The following PABIR3 variants were observed in gnomAD, a reference collection of about 807,000 sequenced individuals.
The protein encoded by PABIR3 is PABIR family member 3.
Under a neutral mutation model 23.1 loss-of-function variants are expected in PABIR3, and 20 were observed. The ratio of observed to expected loss-of-function variants is 0.86; its 90% CI spans 0.61 to 1.26. The LOEUF (loss-of-function observed/expected upper bound fraction) is 1.26, where lower values mean the gene tolerates loss of function less well. Ranked by LOEUF, PABIR3 falls within the 50% of genes most tolerant of loss-of-function variation. PABIR3 has a pLI of 0.00. For synonymous variants in PABIR3, 69 were observed against 68.5 expected (o/e 1.01, Z -0.04); for missense variants, 189 against 195.4 (o/e 0.97, Z 0.20).
chrX:134,860,988 A>G, the PABIR3 span, among the ~76,000 whole-genome samples: 1 of 112,357 alleles, frequency 8.9e-6, no homozygotes, highest in Non-Finnish European at 1.9e-5. Flanking sequence ...TGATAAAAAA[A>G]GGTTTGGGCT....
intron 4 of PABIR3, among the ~76,000 whole-genome samples, chrX:134,838,128 G>C (rs1361434624): frequency 9.0e-6 from 1 of 110,970 alleles, no homozygotes; most frequent in Non-Finnish European, 1.9e-5. Context: ...TTTTTCTTCA[G>C]TTCTTCCTTA....
At position 134,845,598 on chromosome X, in the gene PABIR3, G is replaced by C. The variant is rs774543630; in HGVS notation, c.345+197G>C. ...GACAAGGTCTCACTATGTTGTCCAGGCTGGTCTTGAACTCCTGAGCTCAAT... is the reference window on the plus strand; with the variant it reads ...GACAAGGTCTCACTATGTTGTCCAGCCTGGTCTTGAACTCCTGAGCTCAAT... On this transcript the variant is annotated intron_variant, in intron 6 of 10. Transcript: ENST00000645433. 2.3e-4 allele frequency among the ~76,000 whole-genome samples: 25 copies of C among 111,063 alleles called. 1 individual carries two copies. The highest frequency in any genetic ancestry group is 2.2e-3 in the Admixed American group (23 of 10,378).
At chrX:134,861,206 T>C in the PABIR3 span, among the ~76,000 whole-genome samples, 1 of 102,600 alleles carries the variant, frequency 9.7e-6, no homozygotes, top group Admixed American at 1.1e-4. Flanking sequence ...ACCCAGGAGG[T>C]GAAGGTTGCA....
At chrX:134,846,884 T>G (rs1188206695) in intron 6 of PABIR3, among the ~76,000 whole-genome samples, 1 of 112,163 alleles carries the variant, frequency 8.9e-6, no homozygotes, top group African/African-American at 3.2e-5. Flanking sequence ...TGGCTTGTTT[T>G]AGAAAGAAAA....
At chrX:134,818,761 G>A (rs968819437) in intron 3 of PABIR3, among the ~76,000 whole-genome samples, 2 of 110,572 alleles carry the variant, frequency 1.8e-5, no homozygotes, top group African/African-American at 3.3e-5. Context: ...ACCTTGGTCA[G>A]TATGAAGCAC....
intron 2 of PABIR3, chrX:134,809,747 C>T: frequency 4.2e-6 from 3 of 722,547 alleles, no homozygotes; most frequent in African/African-American, 2.3e-5. Flanking sequence ...AGTGGCAGAG[C>T]CAGTACTAGG....
At chrX:134,796,597 A>G (rs1162527306), upstream of PABIR3, 1 of 73,425 alleles carries the variant, frequency 1.4e-5, no homozygotes, top group Non-Finnish European at 2.6e-5. Context: ...CAGAGGGGGG[A>G]AAGGGAGAGG....
intron 4 of PABIR3, chrX:134,835,099 C>T (rs917753929): frequency 2.7e-5 from 3 of 111,066 alleles, no homozygotes; most frequent in Admixed American, 1.9e-4. Context: ...CTTACTCTGT[C>T]GCCCAGGCTG....
chrX:134,862,246 G>C, the PABIR3 span, among the ~76,000 whole-genome samples: 1 of 104,654 alleles, frequency 9.6e-6, no homozygotes, highest in African/African-American at 3.5e-5. Context: ...TGCCTCCTGG[G>C]TTCAAGCGAT....
chrX:134,828,310 T>G (rs890132189), intron 3 of PABIR3, among the ~76,000 whole-genome samples: 2 of 110,348 alleles, frequency 1.8e-5, no homozygotes, highest in Non-Finnish European at 3.8e-5. Context: ...AGGCTGGTCT[T>G]GAACTCCTGG....
intron 3 of PABIR3, among the ~76,000 whole-genome samples, chrX:134,821,088 G>GTAAATATA (rs2081259524): frequency 1.0e-5 from 1 of 96,854 alleles, no homozygotes; most frequent in Non-Finnish European, 2.0e-5. Flanking sequence ...GTGTGTGTGT[G>GTAAATATA]TATATATATA....
At chrX:134,862,253 C>T in the PABIR3 span, among the ~76,000 whole-genome samples, 5 of 102,149 alleles carry the variant, frequency 4.9e-5, no homozygotes, top group East Asian at 1.5e-3. Flanking sequence ...TGGGTTCAAG[C>T]GATTCTCCTA....
intron 2 of PABIR3, among the ~76,000 whole-genome samples, chrX:134,808,862 C>A (rs914982831): frequency 1.1e-4 from 12 of 111,844 alleles, no homozygotes; most frequent in African/African-American, 3.6e-4. Flanking sequence ...ACCACAGAAG[C>A]TTGATCTCCT....
intron 3 of PABIR3, 51 bp downstream of exon 3, chrX:134,814,900 TC>T: frequency 8.5e-6 from 8 of 945,876 alleles, no homozygotes; most frequent in Non-Finnish European, 1.0e-5. Context: ...TGCTTATTGG[TC>T]TCAACCAATG....
chrX:134,825,008 T>C (rs938299744), intron 3 of PABIR3, among the ~76,000 whole-genome samples: 2 of 111,014 alleles, frequency 1.8e-5, no homozygotes, highest in African/African-American at 6.5e-5. Flanking sequence ...TGCAGGTTCA[T>C]TGGTTGTAAA....
chrX:134,842,174 GT>G (rs1239334571), intron 4 of PABIR3, among the ~76,000 whole-genome samples: 2 of 111,869 alleles, frequency 1.8e-5, no homozygotes, highest in Non-Finnish European at 3.8e-5. Flanking sequence ...AATTGGGTTG[GT>G]TTTTGTTGTC....
At chrX:134,815,281 A>G (rs766442867) in intron 3 of PABIR3, among the ~76,000 whole-genome samples, 2 of 110,622 alleles carry the variant, frequency 1.8e-5, no homozygotes, top group African/African-American at 3.3e-5. Context: ...TTTATCTCAC[A>G]TTTATCTTGA....
chrX:134,838,668 CCCCCCT>C, intron 4 of PABIR3: 1 of 12,853 alleles, frequency 7.8e-5, no homozygotes, highest in African/African-American at 5.3e-4. Flanking sequence ...CTCCCCCCTC[CCCCCCT>C]CCCCCCTCCC....
At chrX:134,849,821 C>T (rs1201792668) in intron 9 of PABIR3, among the ~76,000 whole-genome samples, 7 of 105,731 alleles carry the variant, frequency 6.6e-5, no homozygotes, top group African/African-American at 2.1e-4. Context: ...CTCCTGCAAT[C>T]CTGGATCCCA....
Sources: gnomAD v4.1 joint callset for allele counts (sites outside exome capture counted in the v4.1 genomes callset) on GRCh38, gnomAD v4.1.1 for gene constraint, MANE v1.5 for transcripts, NCBI Gene and HGNC (gene_info 2026-07-23, HGNC 2026-07-21) for gene names.